FOXP2: variants seen among roughly 807,000 people sequenced by gnomAD.
The protein encoded by FOXP2 is forkhead box protein P2.
FOXP2 carries 12 observed loss-of-function variants against 115.8 expected under a neutral mutation model. The observed-to-expected ratio is 0.10, with a 90% CI of 0.07 to 0.17. The LOEUF is 0.17. Among genes scored for constraint, FOXP2 ranks in the 10% least tolerant of loss-of-function variants. The pLI is 1.00. For missense variants in FOXP2, 629 were observed against 843.5 expected, an observed-to-expected ratio of 0.75 and a Z score of 3.15; for synonymous variants, 328 against 297.7, an observed-to-expected ratio of 1.10 and a Z score of -1.05.
At chr7:114,607,787 G>A (rs1295483855) in intron 3 of FOXP2, among the ~76,000 whole-genome samples, 2 of 151,632 alleles carry the variant, frequency 1.3e-5, no homozygotes, top group East Asian at 1.9e-4. Flanking sequence ...ATGTAGAAAT[G>A]GTAACCTAAC....
At chr7:114,183,743 C>A (rs565699675) in intron 1 of FOXP2, among the ~76,000 whole-genome samples, 1 of 152,248 alleles carries the variant, frequency 6.6e-6, no homozygotes, top group African/African-American at 2.4e-5. Context: ...AGTATGTCAA[C>A]ATAGTTTTTG....
intron 5 of FOXP2, chr7:114,631,158 T>C (rs886573421): frequency 2.4e-5 from 7 of 293,326 alleles, no homozygotes; most frequent in African/African-American, 1.3e-4. Flanking sequence ...ACTTATTCAA[T>C]TGGAAAAAAA....
At chr7:114,271,684 T>C in intron 1 of FOXP2, among the ~76,000 whole-genome samples, 1 of 114,028 alleles carries the variant, frequency 8.8e-6, no homozygotes, top group South Asian at 2.3e-4. Context: ...TAAAATTATA[T>C]TTAATAATAT....
intron 3 of FOXP2, among the ~76,000 whole-genome samples, chr7:114,609,337 G>A (rs1027275901): frequency 3.9e-5 from 6 of 152,004 alleles, no homozygotes; most frequent in Non-Finnish European, 7.4e-5. Context: ...AATGAGCAAT[G>A]GGAAAAATAA....
At chr7:114,377,662 G>A (rs986699049) in intron 2 of FOXP2, among the ~76,000 whole-genome samples, 6 of 152,150 alleles carry the variant, frequency 3.9e-5, no homozygotes, top group Non-Finnish European at 7.3e-5. Context: ...GCGAAGGATG[G>A]GACAGTCATA....
intron 2 of FOXP2, among the ~76,000 whole-genome samples, chr7:114,386,797 C>T (rs565998081): frequency 1.3e-5 from 2 of 152,266 alleles, no homozygotes; most frequent in Admixed American, 1.3e-4. Flanking sequence ...GCATATCTTG[C>T]TATTGTAATT....
intron 1 of FOXP2, among the ~76,000 whole-genome samples, chr7:114,223,506 A>G (rs892903010): frequency 4.1e-5 from 6 of 147,440 alleles, no homozygotes; most frequent in African/African-American, 1.2e-4. Flanking sequence ...TATATTATAT[A>G]TAATATATAT....
Position 114,359,251 on chromosome 7 carries a change from G to A in FOXP2, c.-10-67251G>A, listed in dbSNP as rs564781119. Among the ~76,000 whole-genome samples the A allele has an allele frequency of 2.0e-5, 3 of 152,338 alleles. No individual in the cohort carries two copies. In the East Asian group the frequency reaches 5.8e-4, roughly 29 times the overall value. ...GTGATGCTGAGCCTGCAAGTGCACA[G>A]AAGTTAAGAAGTAAGGTTTGGAACC... On this transcript the variant is annotated intron_variant, in intron 2 of 17. Transcript: ENST00000634411.
Position 114,414,997 on chromosome 7 carries a change from C to G in FOXP2, c.-374C>G, listed in dbSNP as rs1481002345. 3 of 443,426 alleles carry G rather than the reference C, an allele frequency of 6.8e-6. No individual in the cohort carries two copies. Among genetic ancestry groups the G allele is most frequent in the East Asian group, 7.0e-5 (1 of 14,286 alleles). The allele number at this position is 443,426 out of a possible 1,614,324, so 27.5% of individuals were successfully genotyped here. A position where few individuals can be genotyped will look rare whatever the true frequency, so the allele number is the denominator to read the frequency against. ...ATTATGGTAAGCATGCTGGCTCAGT[C>G]TTGAACCTTTGTCACCCCTCACGTT... On this transcript the variant is annotated 5_prime_UTR_variant, in exon 1 of 17. Transcript: ENST00000350908.
intron 3 of FOXP2, among the ~76,000 whole-genome samples, chr7:114,566,103 T>G (rs1208889978): frequency 6.6e-6 from 1 of 152,160 alleles, no homozygotes; most frequent in Non-Finnish European, 1.5e-5. Context: ...ATATGATGGA[T>G]GTCCTAAAAA....
chr7:114,394,394 T>C (rs942080047), intron 2 of FOXP2, among the ~76,000 whole-genome samples: 24 of 146,668 alleles, frequency 1.6e-4, no homozygotes, highest in African/African-American at 1.0e-4. Flanking sequence ...TATGAATCTA[T>C]ACACACACAC....
At chr7:114,584,392 G>C (rs1258360326) in intron 3 of FOXP2, among the ~76,000 whole-genome samples, 2 of 152,132 alleles carry the variant, frequency 1.3e-5, no homozygotes, top group Non-Finnish European at 2.9e-5. Context: ...AAAAGGATTT[G>C]ACAGTTAATA....
intron 1 of FOXP2, among the ~76,000 whole-genome samples, chr7:114,249,091 G>A (rs1161927962): frequency 1.3e-5 from 2 of 152,174 alleles, no homozygotes; most frequent in African/African-American, 2.4e-5. Flanking sequence ...TAGAATGTCA[G>A]ACAGCATTAT....
chr7:114,550,573 T>C (rs1230881068), intron 3 of FOXP2, among the ~76,000 whole-genome samples: 1 of 152,202 alleles, frequency 6.6e-6, no homozygotes, highest in African/African-American at 2.4e-5. Flanking sequence ...AACCCCTTTG[T>C]TAAATGCTAG....
chr7:114,554,755 T>G (rs1039966775), intron 3 of FOXP2, among the ~76,000 whole-genome samples: 3 of 152,186 alleles, frequency 2.0e-5, no homozygotes, highest in African/African-American at 7.2e-5. Flanking sequence ...TGCATTACAT[T>G]TATTTTAATA....
In FOXP2 at chr7:114,664,417, TG is replaced by T; in HGVS notation, c.1985del (p.Cys662SerfsTer17). 6.2e-7 allele frequency: 1 copy of T among 1,613,516 alleles called. No individual in the cohort carries two copies. The highest frequency in any genetic ancestry group is 8.5e-7 in the Non-Finnish European group (1 of 1,179,642). ...CAGCAATGGAAACAGTAGTCCGGGC[TG>T]CTCACCTCAGCCGCACATGTAAGTG... is the stretch of plus-strand genomic sequence containing the variant. ...IDSNGNSSPG[C>X]SPQPHIHSIH... On this transcript the variant is annotated frameshift_variant, in exon 16 of 17. Coordinates refer to ENST00000350908, the MANE Select transcript of FOXP2 (RefSeq NM_014491.4). LOFTEE classifies it high-confidence loss of function.
intron 1 of FOXP2, among the ~76,000 whole-genome samples, chr7:114,254,244 A>G (rs1267171548): frequency 2.0e-5 from 3 of 151,804 alleles, no homozygotes; most frequent in Non-Finnish European, 2.9e-5. Flanking sequence ...CTTCATTTCA[A>G]CTTTGGTGAA....
At chr7:114,172,273 T>A (rs1440050946) in intron 1 of FOXP2, among the ~76,000 whole-genome samples, 1 of 152,212 alleles carries the variant, frequency 6.6e-6, no homozygotes, top group Admixed American at 6.5e-5. Context: ...GAACCTGCGA[T>A]ACCTCCAAGG....
At chr7:114,295,657 T>C (rs1449679482) in intron 2 of FOXP2, among the ~76,000 whole-genome samples, 2 of 152,208 alleles carry the variant, frequency 1.3e-5, no homozygotes, top group Admixed American at 6.5e-5. Flanking sequence ...GTAGGTGTCA[T>C]GTAAAATGAA....
Sources: allele counts gnomAD v4.1 joint callset (sites outside exome capture counted in the v4.1 genomes callset), GRCh38; gene constraint gnomAD v4.1.1; transcripts MANE v1.5; gene names NCBI Gene and HGNC (gene_info 2026-07-23, HGNC 2026-07-21).